Variants in POU2F1 observed in about 807,000 individuals in gnomAD.
POU2F1 encodes the protein POU domain, class 2, transcription factor 1.
POU2F1 carries 16 observed loss-of-function variants against 84.9 expected under a neutral mutation model. The ratio of observed to expected loss-of-function variants is 0.19; its 90% CI spans 0.13 to 0.29. The LOEUF (loss-of-function observed/expected upper bound fraction) is 0.29. POU2F1 is among the 10% of genes least tolerant of loss of function. The pLI is 1.00. For missense variants in POU2F1, 738 were observed against 942.6 expected (o/e 0.78, Z 2.84); for synonymous variants, 368 against 368.3 (o/e 1.00, Z 0.01).
intron 7 of POU2F1, among the ~76,000 whole-genome samples, chr1:167,381,964 T>G (rs1557943992): frequency 8.2e-6 from 1 of 122,470 alleles, no homozygotes; most frequent in Non-Finnish European, 1.7e-5. Flanking sequence ...AAAACAATTT[T>G]ATTTAATTAG....
chr1:167,303,499 T>G (rs1031227952), intron 1 of POU2F1: 1 of 154,360 alleles, frequency 6.5e-6, no homozygotes, highest in Admixed American at 6.5e-5. Context: ...AGAGCTTTCC[T>G]GCCTTTTTAA....
intron 6 of POU2F1, among the ~76,000 whole-genome samples, chr1:167,374,949 C>A (rs1452066798): frequency 2.0e-5 from 3 of 151,878 alleles, no homozygotes; most frequent in Non-Finnish European, 4.4e-5. Flanking sequence ...TGCCTGTAAT[C>A]CCAGCTACGC....
chr1:167,337,127 C>T (rs551917508), intron 2 of POU2F1, among the ~76,000 whole-genome samples: 1 of 150,670 alleles, frequency 6.6e-6, no homozygotes, highest in South Asian at 2.1e-4. Context: ...TGGGCCATTG[C>T]ACTCCAGCCT....
intron 1 of POU2F1, among the ~76,000 whole-genome samples, chr1:167,247,844 C>A (rs776840530): frequency 1.2e-4 from 19 of 152,194 alleles, no homozygotes; most frequent in Non-Finnish European, 2.4e-4. Context: ...ACCATGCAAT[C>A]AAACTGTGCA....
At chr1:167,240,005 A>G (rs1288735231) in intron 1 of POU2F1, among the ~76,000 whole-genome samples, 2 of 151,766 alleles carry the variant, frequency 1.3e-5, no homozygotes, top group Non-Finnish European at 2.9e-5. Flanking sequence ...TTTTGACATG[A>G]CACACAACTC....
chr1:167,365,668 T>C (rs1403265459), intron 3 of POU2F1, 101 bp downstream of exon 3: 8 of 811,520 alleles, frequency 9.9e-6, no homozygotes, highest in African/African-American at 5.3e-5. Context: ...TTTTAAATTA[T>C]TTAAAGCCTA....
chr1:167,228,665 A>G (rs762731652), intron 1 of POU2F1, among the ~76,000 whole-genome samples: 1 of 152,236 alleles, frequency 6.6e-6, no homozygotes, highest in Non-Finnish European at 1.5e-5. Context: ...AAGCACATGC[A>G]TAGGCAATTA....
At chr1:167,385,048 A>G (rs1033802605) in intron 8 of POU2F1, among the ~76,000 whole-genome samples, 4 of 152,150 alleles carry the variant, frequency 2.6e-5, no homozygotes, top group African/African-American at 9.6e-5. Context: ...ATTTCTATAC[A>G]CTAGCAGTGA....
Position 167,417,819 on chromosome 1 carries a change from T to C in POU2F1, c.*2009T>C, listed in dbSNP as rs1650408318. The C allele has an allele frequency of 6.6e-6, 1 of 152,242 alleles. No homozygotes were observed. Among genetic ancestry groups the C allele is most frequent in the African/African-American group, 2.4e-5 (1 of 41,456 alleles). The allele number at this position is 152,242 out of a possible 1,614,324, so 9.4% of individuals were successfully genotyped here. ...CAGTAAATACAGACACAATGTGTACTTTTGTGTGTGATTCAAGTGGGAGAC... is the reference window on the plus strand; with the variant it reads ...CAGTAAATACAGACACAATGTGTACCTTTGTGTGTGATTCAAGTGGGAGAC... On this transcript the variant is annotated 3_prime_UTR_variant, in exon 16 of 16. Coordinates refer to ENST00000367866, the MANE Select transcript of POU2F1 (RefSeq NM_002697.4).
At chr1:167,349,032 G>A (rs1658388510) in intron 2 of POU2F1, among the ~76,000 whole-genome samples, 1 of 152,006 alleles carries the variant, frequency 6.6e-6, no homozygotes. Context: ...GCTCCTTGTA[G>A]TATGGGAATA....
chr1:167,236,615 A>G (rs996614625), intron 1 of POU2F1, among the ~76,000 whole-genome samples: 4 of 152,068 alleles, frequency 2.6e-5, no homozygotes, highest in Non-Finnish European at 4.4e-5. Flanking sequence ...GCTAATTCCT[A>G]TACCTCTTTG....
chr1:167,236,483 T>C (rs1206722644), intron 1 of POU2F1, among the ~76,000 whole-genome samples: 1 of 152,244 alleles, frequency 6.6e-6, no homozygotes, highest in African/African-American at 2.4e-5. Flanking sequence ...AGTTTTCAAA[T>C]GTACAACAAT....
intron 12 of POU2F1, among the ~76,000 whole-genome samples, chr1:167,399,719 G>C (rs1039126777): frequency 2.0e-5 from 3 of 151,962 alleles, no homozygotes; most frequent in African/African-American, 7.3e-5. Flanking sequence ...CATCACCCAG[G>C]CTGGAGTGCA....
intron 2 of POU2F1, among the ~76,000 whole-genome samples, chr1:167,347,236 AAGT>A (rs1366023147): frequency 1.3e-5 from 2 of 152,216 alleles, no homozygotes; most frequent in Non-Finnish European, 2.9e-5. Flanking sequence ...GGTTTAATTG[AAGT>A]AGTATATTAT....
chr1:167,243,728 G>A (rs538006894), intron 1 of POU2F1, among the ~76,000 whole-genome samples: 36 of 152,124 alleles, frequency 2.4e-4, no homozygotes, highest in Non-Finnish European at 3.7e-4. Flanking sequence ...CACCCGCCTC[G>A]GCCTCCCAAA....
intron 1 of POU2F1, among the ~76,000 whole-genome samples, chr1:167,303,851 G>A (rs565988254): frequency 6.6e-6 from 1 of 152,060 alleles, no homozygotes; most frequent in East Asian, 1.9e-4. Flanking sequence ...TGAAATCAGT[G>A]GAAATAGGGT....
intron 9 of POU2F1, among the ~76,000 whole-genome samples, chr1:167,394,928 AG>A (rs1020639312): frequency 6.6e-6 from 1 of 152,186 alleles, no homozygotes; most frequent in Non-Finnish European, 1.5e-5. Flanking sequence ...ATTTAGGGGT[AG>A]GGGGGAATCA....
chr1:167,262,570 A>C (rs1192376583), intron 1 of POU2F1, among the ~76,000 whole-genome samples: 1 of 152,216 alleles, frequency 6.6e-6, no homozygotes, highest in Non-Finnish European at 1.5e-5. Context: ...GTACCCTCTT[A>C]GTTTCACAGA....
At chr1:167,320,589 C>CT (rs1656239215) in intron 1 of POU2F1, among the ~76,000 whole-genome samples, 1 of 152,168 alleles carries the variant, frequency 6.6e-6, no homozygotes, top group Non-Finnish European at 1.5e-5. Flanking sequence ...ATTTAACAAT[C>CT]TTAGTTCTCC....
Sources: allele counts gnomAD v4.1 joint callset (sites outside exome capture counted in the v4.1 genomes callset), GRCh38; gene constraint gnomAD v4.1.1; transcripts MANE v1.5; gene names NCBI Gene and HGNC (gene_info 2026-07-23, HGNC 2026-07-21).